The following GRAMD2B variants were observed in gnomAD, a reference collection of about 807,000 sequenced individuals.
GRAMD2B encodes GRAM domain-containing protein 2B.
A neutral mutation model predicts 59.2 loss-of-function variants in GRAMD2B; 41 were observed. The ratio of observed to expected loss-of-function variants is 0.69; its 90% confidence interval spans 0.54 to 0.90. The LOEUF is 0.90. GRAMD2B is among the 40% of genes least tolerant of loss of function. GRAMD2B has a pLI of 0.00. For synonymous variants in GRAMD2B, 161 were observed against 182.7 expected (o/e 0.88, Z 0.96); for missense variants, 424 against 500.5 (o/e 0.85, Z 1.46).
exon 1 of GRAMD2B, chr5:126,371,425 C>T (rs542197662): frequency 1.0e-5 from 13 of 1,274,634 alleles, no homozygotes; most frequent in South Asian, 3.8e-5. Flanking sequence ...CCTTGACTTG[C>T]GGGTCAATAA....
At chr5:126,380,020 C>T (rs1052949021) in intron 1 of GRAMD2B, among the ~76,000 whole-genome samples, 3 of 152,076 alleles carry the variant, frequency 2.0e-5, no homozygotes, top group African/African-American at 7.2e-5. Flanking sequence ...ATGTTATATT[C>T]TAGAATTTTT....
chr5:126,459,658 T>C (rs1467642301), intron 1 of GRAMD2B, among the ~76,000 whole-genome samples: 6 of 151,820 alleles, frequency 4.0e-5, no homozygotes, highest in Admixed American at 3.9e-4. Context: ...CAAATGAAAC[T>C]GTAGTGGAAT....
intron 1 of GRAMD2B, among the ~76,000 whole-genome samples, chr5:126,382,255 G>A (rs1455455089): frequency 6.6e-6 from 1 of 152,176 alleles, no homozygotes. Context: ...GGCCAGGAAA[G>A]TTTTCCTCAG....
At chr5:126,477,906 G>C in intron 6 of GRAMD2B, 119 bp downstream of exon 6, 1 of 685,106 alleles carries the variant, frequency 1.5e-6, no homozygotes, top group South Asian at 1.6e-5. Context: ...CTCCTGTGGT[G>C]AATCAGGAAA....
In GRAMD2B at chr5:126,493,049, C is replaced by A; in HGVS notation, c.*93C>A. On this transcript the variant is annotated 3_prime_UTR_variant, in exon 14 of 14. Coordinates refer to ENST00000285689, the MANE Select transcript of GRAMD2B (RefSeq NM_023927.4). ...TTTTGTTTGAGTGCACCCTGCTGGTCAGAGGTGCAAGCAGATGAGAATCCA... is the reference window on the plus strand; with the variant it reads ...TTTTGTTTGAGTGCACCCTGCTGGTAAGAGGTGCAAGCAGATGAGAATCCA... The A allele has an allele frequency of 3.4e-6, 3 of 893,698 alleles. No individual in the cohort carries two copies. The South Asian group carries it at 4.2e-5, about 12-fold the overall frequency. The allele number at this position is 893,698 out of a possible 1,614,324, so 55.4% of individuals were successfully genotyped here.
At chr5:126,381,920 T>C (rs965809727) in intron 1 of GRAMD2B, among the ~76,000 whole-genome samples, 2 of 152,212 alleles carry the variant, frequency 1.3e-5, no homozygotes, top group African/African-American at 4.8e-5. Context: ...TTTGTTTGTC[T>C]GAAAAAGTCT....
intron 6 of GRAMD2B, among the ~76,000 whole-genome samples, chr5:126,478,486 A>T (rs1395623922): frequency 6.6e-6 from 1 of 151,942 alleles, no homozygotes; most frequent in Non-Finnish European, 1.5e-5. Context: ...CACACCTGTA[A>T]TCCCAGCACT....
chr5:126,477,783 A>T lies in GRAMD2B; in HGVS notation c.578A>T (p.Asp193Val). Reference sequence around the variant, plus strand: ...GCCCTGATCATAGCAACAGTCACAGACAGGGTGAGTATGCAGCCGAGCGAG... The same window carrying T: ...GCCCTGATCATAGCAACAGTCACAGTCAGGGTGAGTATGCAGCCGAGCGAG... The part of the protein sequence containing the change: ...PNALIIATVT[D>V]RYIFVSLLSR... Residue 193 changes from aspartate (D) to valine (V), a missense_variant, in exon 6 of 14, where the codon GAC becomes GTC. Asp to Val is a radical substitution (Grantham distance 152). Coordinates refer to ENST00000285689, the MANE Select transcript of GRAMD2B (RefSeq NM_023927.4). The T allele has an allele frequency of 6.2e-7, 1 of 1,600,248 alleles. No individual in the cohort carries two copies. Among genetic ancestry groups the T allele is most frequent in the Middle Eastern group, 1.7e-4 (1 of 6,034 alleles).
At chr5:126,461,978 C>T (rs1394242937) in intron 1 of GRAMD2B, among the ~76,000 whole-genome samples, 3 of 152,092 alleles carry the variant, frequency 2.0e-5, no homozygotes, top group African/African-American at 7.2e-5. Context: ...CTGCCAAGGC[C>T]AAGTAAAGGT....
intron 1 of GRAMD2B, among the ~76,000 whole-genome samples, chr5:126,431,902 G>T (rs1393973141): frequency 6.6e-6 from 1 of 152,036 alleles, no homozygotes; most frequent in Non-Finnish European, 1.5e-5. Context: ...TTTTGACATG[G>T]CTCTTCTTCC....
chr5:126,404,246 A>G (rs1474675030), intron 1 of GRAMD2B, among the ~76,000 whole-genome samples: 1 of 151,896 alleles, frequency 6.6e-6, no homozygotes, highest in Non-Finnish European at 1.5e-5. Context: ...GAGAGGGAAA[A>G]TGTCAAGGAA....
chr5:126,458,171 G>A (rs977813337), intron 1 of GRAMD2B, among the ~76,000 whole-genome samples: 45 of 152,070 alleles, frequency 3.0e-4, no homozygotes, highest in Non-Finnish European at 5.1e-4. Flanking sequence ...ACAGTGGCTT[G>A]TGCCTATGAT....
At chr5:126,452,234 ATGGC>A (rs1330952220) in intron 1 of GRAMD2B, among the ~76,000 whole-genome samples, 4 of 152,126 alleles carry the variant, frequency 2.6e-5, no homozygotes, top group Admixed American at 2.0e-4. Flanking sequence ...TGTTTCATGG[ATGGC>A]TGTATTTTGT....
intron 1 of GRAMD2B, among the ~76,000 whole-genome samples, chr5:126,424,202 A>G (rs1760185309): frequency 6.6e-6 from 1 of 152,260 alleles, no homozygotes; most frequent in Non-Finnish European, 1.5e-5. Flanking sequence ...CCATTGCCAC[A>G]TTAAACACAC....
intron 1 of GRAMD2B, among the ~76,000 whole-genome samples, chr5:126,464,698 G>A (rs1767980434): frequency 6.6e-6 from 1 of 152,212 alleles, no homozygotes; most frequent in Non-Finnish European, 1.5e-5. Context: ...AGATGAGTAA[G>A]ATTCCCACTC....
At chr5:126,491,580 C>G (rs1355695494) in intron 13 of GRAMD2B, among the ~76,000 whole-genome samples, 1 of 152,132 alleles carries the variant, frequency 6.6e-6, no homozygotes, top group Non-Finnish European at 1.5e-5. Flanking sequence ...CATATCAGAT[C>G]CCCTTCCTCC....
At chr5:126,474,665 T>C (rs1179624085) in intron 5 of GRAMD2B, among the ~76,000 whole-genome samples, 1 of 152,180 alleles carries the variant, frequency 6.6e-6, no homozygotes, top group African/African-American at 2.4e-5. Context: ...AAGATACTAA[T>C]GAACAAAGTA....
At chr5:126,456,096 T>C (rs1167897423) in intron 1 of GRAMD2B, among the ~76,000 whole-genome samples, 1 of 152,260 alleles carries the variant, frequency 6.6e-6, no homozygotes, top group East Asian at 1.9e-4. Flanking sequence ...GCTACAAGGA[T>C]ATGAATAAAA....
upstream of GRAMD2B, among the ~76,000 whole-genome samples, chr5:126,369,164 C>T (rs1228066303): frequency 6.6e-6 from 1 of 152,154 alleles, no homozygotes; most frequent in Non-Finnish European, 1.5e-5. Flanking sequence ...TTCCCCATGA[C>T]CCCACATTGA....
Sources: allele counts gnomAD v4.1 joint callset (sites outside exome capture counted in the v4.1 genomes callset), GRCh38; gene constraint gnomAD v4.1.1; transcripts MANE v1.5; gene names NCBI Gene and HGNC (gene_info 2026-07-23, HGNC 2026-07-21).